The following FER variants were observed in gnomAD, a reference collection of about 807,000 sequenced individuals.
The protein encoded by FER is tyrosine-protein kinase Fer.
FER carries 63 observed loss-of-function variants against 111.0 expected under a neutral mutation model. The observed-to-expected ratio is 0.57, with a 90% CI of 0.46 to 0.70. The LOEUF is 0.70. Ranked by LOEUF, FER falls within the 30% of genes least tolerant of loss-of-function variation. FER has a pLI of 0.00. For synonymous variants in FER, 327 were observed against 313.9 expected (o/e 1.04, Z -0.44); for missense variants, 914 against 954.0 (o/e 0.96, Z 0.55).
At chr5:108,776,869 A>G (rs995456768) in intron 2 of FER, among the ~76,000 whole-genome samples, 2 of 152,210 alleles carry the variant, frequency 1.3e-5, no homozygotes, top group Admixed American at 6.5e-5. Flanking sequence ...TAGGATTTTT[A>G]CTAGTTTTGC....
intron 13 of FER, among the ~76,000 whole-genome samples, chr5:108,999,977 C>T (rs941984611): frequency 2.6e-5 from 4 of 152,030 alleles, no homozygotes; most frequent in Admixed American, 2.6e-4. Context: ...GGGGCATTAA[C>T]TCTGCATCTC....
chr5:108,926,258 C>T lies in FER; in HGVS notation c.1237-19872C>T, dbSNP rs556249653. On this transcript the variant is annotated intron_variant, in intron 10 of 19. Transcript: ENST00000281092. Reference sequence around the variant, plus strand: ...CTATGTATTTTTTTATACATACCATCGTTGTCTTTTCAAAACAATTTTGTG... The same window carrying T: ...CTATGTATTTTTTTATACATACCATTGTTGTCTTTTCAAAACAATTTTGTG... 5.1e-4 allele frequency among the ~76,000 whole-genome samples: 78 copies of T among 151,482 alleles called. 1 individual carries two copies. The highest frequency in any genetic ancestry group is 1.5e-3 in the African/African-American group (61 of 41,398).
chr5:109,172,792 G>A (rs1757284407), intron 17 of FER, among the ~76,000 whole-genome samples: 1 of 152,070 alleles, frequency 6.6e-6, no homozygotes, highest in African/African-American at 2.4e-5. Flanking sequence ...TTTAAAATTT[G>A]TGCCTGGAGA....
rs1016878126 is a variant in FER, at chr5:108,843,345, A to G, written c.481+7538A>G. Among the ~76,000 whole-genome samples the G allele has an allele frequency of 2.6e-5, 4 of 152,192 alleles. No individual in the cohort carries two copies. In the East Asian group the frequency reaches 7.7e-4, roughly 29 times the overall value. On this transcript the variant is annotated intron_variant, in intron 5 of 19. Transcript: ENST00000281092. ...GTCTCAGATGATCCTTATTGGGGCA[A>G]CTATTTCAATATCAAATTATTCTGA...
intron 9 of FER, among the ~76,000 whole-genome samples, chr5:108,888,270 A>G (rs1209384115): frequency 2.0e-5 from 3 of 151,968 alleles, no homozygotes; most frequent in East Asian, 1.9e-4. Flanking sequence ...TCATTCAACA[A>G]TGTTGATTGT....
intron 13 of FER, among the ~76,000 whole-genome samples, chr5:109,036,203 C>G (rs1179834238): frequency 6.6e-6 from 1 of 151,984 alleles, no homozygotes; most frequent in African/African-American, 2.4e-5. Context: ...TTTTGTGCTT[C>G]TCTAAGAAAC....
chr5:109,153,609 A>ATT (rs1489664383), intron 17 of FER, among the ~76,000 whole-genome samples: 6 of 151,954 alleles, frequency 3.9e-5, no homozygotes, highest in Non-Finnish European at 8.8e-5. Flanking sequence ...TATTCACTGC[A>ATT]TAACACAGTA....
chr5:109,006,443 C>T (rs1363374147), intron 13 of FER, among the ~76,000 whole-genome samples: 1 of 152,184 alleles, frequency 6.6e-6, no homozygotes, highest in Non-Finnish European at 1.5e-5. Context: ...GCCTTTGCTT[C>T]TTCTTTGCCT....
chr5:108,914,686 G>A (rs918520018), intron 10 of FER, among the ~76,000 whole-genome samples: 1 of 152,172 alleles, frequency 6.6e-6, no homozygotes, highest in Non-Finnish European at 1.5e-5. Context: ...CATGTGAAAT[G>A]ATACTTTGAA....
intron 16 of FER, among the ~76,000 whole-genome samples, chr5:109,072,413 C>G (rs1775874082): frequency 6.6e-6 from 1 of 150,588 alleles, no homozygotes; most frequent in East Asian, 2.0e-4. Context: ...TCTGCACCAA[C>G]CTAATATTTT....
intron 8 of FER, among the ~76,000 whole-genome samples, chr5:108,876,392 G>A (rs933926074): frequency 3.3e-5 from 5 of 152,128 alleles, no homozygotes; most frequent in East Asian, 1.9e-4. Context: ...ACCATATGTG[G>A]CACACTCATT....
At chr5:108,868,953 C>T (rs1048263169) in intron 6 of FER, among the ~76,000 whole-genome samples, 9 of 152,100 alleles carry the variant, frequency 5.9e-5, no homozygotes, top group Admixed American at 2.0e-4. Context: ...CATCAATTAA[C>T]CCATTTAAGC....
chr5:108,927,275 A>G (rs1478511684), intron 10 of FER, among the ~76,000 whole-genome samples: 2 of 28,530 alleles, frequency 7.0e-5, no homozygotes, highest in African/African-American at 7.8e-4. Flanking sequence ...TTTTTTTGAG[A>G]CGGAGTCTCG....
At chr5:109,097,078 AAT>A (rs929564140) in intron 16 of FER, among the ~76,000 whole-genome samples, 23 of 150,994 alleles carry the variant, frequency 1.5e-4, no homozygotes, top group African/African-American at 5.1e-4. Context: ...TGATACTTTA[AAT>A]ACATTTTAGT....
chr5:109,098,776 C>G (rs13362578), intron 16 of FER, among the ~76,000 whole-genome samples: 43,766 of 151,312 alleles, frequency 0.29, 6,504 homozygotes, highest in Non-Finnish European at 0.33. Context: ...TTGGTATTCT[C>G]TTAAAAATAA....
chr5:108,900,849 A>G (rs991914076), intron 10 of FER, among the ~76,000 whole-genome samples: 1 of 152,248 alleles, frequency 6.6e-6, no homozygotes, highest in Non-Finnish European at 1.5e-5. Context: ...ATTTTGTCTT[A>G]GTCTTGATGT....
chr5:109,096,795 G>A (rs1314701343), intron 16 of FER, among the ~76,000 whole-genome samples: 1 of 151,650 alleles, frequency 6.6e-6, no homozygotes. Context: ...CCTCCAAAAT[G>A]GTAGAGGGGC....
chr5:108,896,443 G>A (rs1436527898), intron 9 of FER, among the ~76,000 whole-genome samples: 1 of 152,132 alleles, frequency 6.6e-6, no homozygotes, highest in Non-Finnish European at 1.5e-5. Context: ...TGATAATGAT[G>A]TAAATGCTGA....
chr5:108,798,912 TG>T (rs2150046480), intron 3 of FER, among the ~76,000 whole-genome samples: 1 of 152,338 alleles, frequency 6.6e-6, no homozygotes, highest in South Asian at 2.1e-4. Context: ...TCTGACTTAA[TG>T]GGTCAGGTTT....
Sources: allele counts gnomAD v4.1 joint callset (sites outside exome capture counted in the v4.1 genomes callset), GRCh38; gene constraint gnomAD v4.1.1; transcripts MANE v1.5; gene names NCBI Gene and HGNC (gene_info 2026-07-23, HGNC 2026-07-21).